Variants in TC2N observed in about 807,000 individuals in gnomAD.
The protein encoded by TC2N is tandem C2 domains nuclear protein.
Under a neutral mutation model 61.9 loss-of-function variants are expected in TC2N, and 51 were observed. The ratio of observed to expected loss-of-function variants is 0.82; its 90% CI spans 0.66 to 1.04. TC2N has a LOEUF of 1.04. Ranked by LOEUF, TC2N falls within the 50% of genes least tolerant of loss-of-function variation. The probability of loss-of-function intolerance (pLI) is 0.00; values close to 1 mark genes in which losing one functional copy is unlikely to be tolerated. For missense variants in TC2N, 556 were observed against 566.7 expected, an observed-to-expected ratio of 0.98 and a Z score of 0.19; for synonymous variants, 204 against 192.6, an observed-to-expected ratio of 1.06 and a Z score of -0.49.
At chr14:91,856,958 A>G (rs1363017158) in intron 1 of TC2N, among the ~76,000 whole-genome samples, 1 of 152,242 alleles carries the variant, frequency 6.6e-6, no homozygotes, top group Non-Finnish European at 1.5e-5. Context: ...CACTTGAGAT[A>G]CAAGTAGTTA....
intron 1 of TC2N, among the ~76,000 whole-genome samples, chr14:91,832,007 C>T (rs1242074167): frequency 6.6e-6 from 1 of 152,164 alleles, no homozygotes; most frequent in Non-Finnish European, 1.5e-5. Flanking sequence ...AAAAGACAGG[C>T]TGCTCACTTG....
At chr14:91,841,003 C>T (rs1243298661) in intron 1 of TC2N, among the ~76,000 whole-genome samples, 2 of 152,174 alleles carry the variant, frequency 1.3e-5, no homozygotes, top group Non-Finnish European at 2.9e-5. Flanking sequence ...CACTAAAAGG[C>T]TGACACAGTT....
chr14:91,827,191 AT>A (rs1185694862), intron 1 of TC2N, among the ~76,000 whole-genome samples: 1 of 151,824 alleles, frequency 6.6e-6, no homozygotes, highest in Non-Finnish European at 1.5e-5. Context: ...TATGATCTTC[AT>A]TTTTTTCCCT....
rs775661716 is a variant in TC2N, at chr14:91,785,286, G to C, written c.1238C>G (p.Ser413Cys). 1.2e-5 allele frequency: 20 copies of C among 1,613,594 alleles called. No individual in the cohort carries two copies. In the South Asian group the frequency reaches 2.1e-4, roughly 17 times the overall value. ...YKKKTRLLKA[S>C]NGRVKWGETM... is the part of the protein sequence containing the mutation. ...CTCTCCCCACTTGACTCTTCCATTG[G>C]AGGCCTTCAGTAAGCGTGTCTTTTT... Residue 413 changes from serine to cysteine, a missense_variant, in exon 11 of 12, where the codon TCC becomes TGC. Coordinates refer to ENST00000435962, the MANE Select transcript of TC2N (RefSeq NM_001128596.3).
chr14:91,805,620 G>C (rs1005523910), intron 3 of TC2N, among the ~76,000 whole-genome samples: 1 of 151,904 alleles, frequency 6.6e-6, no homozygotes. Context: ...AGCCAGGATC[G>C]TGCCACTGCA....
chr14:91,787,490 C>T (rs1447758997), intron 10 of TC2N, 23 bp downstream of exon 10: 1 of 1,422,354 alleles, frequency 7.0e-7, no homozygotes, highest in East Asian at 2.3e-5. Context: ...GAAGATTCTA[C>T]TTTGAACCAC....
intron 1 of TC2N, among the ~76,000 whole-genome samples, chr14:91,861,013 G>A (rs1888578537): frequency 6.6e-6 from 1 of 152,182 alleles, no homozygotes. Context: ...CTCTGCTGTA[G>A]ATTACATGAA....
At chr14:91,801,903 A>C (rs1886267741) in intron 4 of TC2N, among the ~76,000 whole-genome samples, 1 of 152,168 alleles carries the variant, frequency 6.6e-6, no homozygotes, top group Non-Finnish European at 1.5e-5. Context: ...GATAACAAAA[A>C]GTGTTTTGAG....
chr14:91,792,580 CAT>C, intron 8 of TC2N, 22 bp from the exon 9 acceptor site: 1 of 1,251,784 alleles, frequency 8.0e-7, no homozygotes, highest in Non-Finnish European at 1.1e-6. Flanking sequence ...AACAAGAAAA[CAT>C]AAAATATATA....
intron 5 of TC2N, among the ~76,000 whole-genome samples, chr14:91,799,926 T>A (rs1207558890): frequency 6.6e-6 from 1 of 152,108 alleles, no homozygotes; most frequent in Non-Finnish European, 1.5e-5. Context: ...AAGTCCTACA[T>A]CTCAAAAGAA....
intron 10 of TC2N, 84 bp downstream of exon 10, chr14:91,787,429 T>A: frequency 1.4e-6 from 1 of 707,998 alleles, no homozygotes; most frequent in Non-Finnish European, 2.3e-6. Context: ...AAGATTTTAA[T>A]CTCCATTGTA....
At chr14:91,794,400 T>C (rs1025553608) in intron 8 of TC2N, among the ~76,000 whole-genome samples, 2 of 152,172 alleles carry the variant, frequency 1.3e-5, no homozygotes, top group Admixed American at 6.5e-5. Flanking sequence ...TTCACAGTTA[T>C]GGAGGAGAAG....
At chr14:91,796,983 G>C (rs1885930081) in intron 8 of TC2N, among the ~76,000 whole-genome samples, 1 of 141,940 alleles carries the variant, frequency 7.0e-6, no homozygotes, top group East Asian at 2.1e-4. Flanking sequence ...TTGTATTTTA[G>C]ATTATTTCCA....
intron 1 of TC2N, among the ~76,000 whole-genome samples, chr14:91,862,435 A>G (rs557324519): frequency 3.0e-4 from 45 of 152,244 alleles, no homozygotes; most frequent in Non-Finnish European, 4.4e-4. Flanking sequence ...AATCAGACCC[A>G]TATCTGCCTT....
At chr14:91,839,977 C>T (rs1888134058) in intron 1 of TC2N, among the ~76,000 whole-genome samples, 1 of 152,152 alleles carries the variant, frequency 6.6e-6, no homozygotes, top group Non-Finnish European at 1.5e-5. Flanking sequence ...CAGTTCTGAC[C>T]AATGGAATTT....
Position 91,813,773 on chromosome 14 carries a change from A to G in TC2N, c.-4T>C, listed in dbSNP as rs1886883860. On this transcript the variant is annotated 5_prime_UTR_variant, in exon 2 of 12. The change abolishes an upstream ATG in the 5' untranslated region. Coordinates refer to ENST00000435962, the MANE Select transcript of TC2N (RefSeq NM_001128596.3). ...TCTTTATAAATTCTGTTGCCATTAC[A>G]TTCAATTTCCAATATCCAGCAAAAG... 1.9e-6 allele frequency: 3 copies of G among 1,604,214 alleles called. No homozygotes were observed. The highest frequency in any genetic ancestry group is 2.6e-6 in the Non-Finnish European group (3 of 1,172,594).
intron 9 of TC2N, among the ~76,000 whole-genome samples, chr14:91,789,864 A>G (rs1329270471): frequency 2.0e-5 from 3 of 152,246 alleles, no homozygotes; most frequent in Non-Finnish European, 2.9e-5. Flanking sequence ...CCTTTTATTC[A>G]GAAAAGAAAA....
Position 91,854,413 on chromosome 14 carries a change from A to G in TC2N, c.-57+12849T>C, listed in dbSNP as rs1180641376. 6.1e-5 allele frequency among the ~76,000 whole-genome samples: 7 copies of G among 114,912 alleles called. No individual in the cohort carries two copies. In the East Asian group the frequency reaches 1.9e-3, roughly 31 times the overall value. The allele number at this position is 114,912 out of a possible 152,430, so 75.4% of individuals were successfully genotyped here. On this transcript the variant is annotated intron_variant, in intron 1 of 11. Transcript: ENST00000435962. ...ACATAAGATGAGGAGGAGGAGGAGG[A>G]GGAGGGGGAGGGGGAGGGGAAGGAG... is the stretch of plus-strand genomic sequence containing the variant.
chr14:91,794,241 A>T (rs757136636), intron 8 of TC2N, among the ~76,000 whole-genome samples: 9 of 152,250 alleles, frequency 5.9e-5, no homozygotes, highest in Non-Finnish European at 7.3e-5. Context: ...TCTCCAAAAC[A>T]TAAAAGTGCA....
Sources: gnomAD v4.1 joint callset for allele counts (sites outside exome capture counted in the v4.1 genomes callset) on GRCh38, gnomAD v4.1.1 for gene constraint, MANE v1.5 for transcripts, NCBI Gene and HGNC (gene_info 2026-07-23, HGNC 2026-07-21) for gene names.